BAZ2B: variants seen among roughly 807,000 people sequenced by gnomAD.
BAZ2B encodes bromodomain adjacent to zinc finger domain protein 2B.
Under a neutral mutation model 246.0 loss-of-function variants are expected in BAZ2B, and 91 were observed. The ratio of observed to expected loss-of-function variants is 0.37; its 90% CI spans 0.31 to 0.44. The LOEUF (loss-of-function observed/expected upper bound fraction) is 0.44, where lower values mean the gene tolerates loss of function less well. Among genes scored for constraint, BAZ2B ranks in the 20% least tolerant of loss-of-function variants. The probability of loss-of-function intolerance (pLI) is 1.00; values close to 1 mark genes in which losing one functional copy is unlikely to be tolerated. For synonymous variants in BAZ2B, 855 were observed against 860.0 expected (o/e 0.99, Z 0.10); for missense variants, 2,332 against 2,533.7 (o/e 0.92, Z 1.71).
intron 1 of BAZ2B, among the ~76,000 whole-genome samples, chr2:159,597,648 T>C (rs1009226736): frequency 1.3e-5 from 2 of 152,194 alleles, no homozygotes; most frequent in Non-Finnish European, 2.9e-5. Flanking sequence ...TGCCTCAGCA[T>C]CCCAAGTAGC....
chr2:159,674,780 A>G, the BAZ2B span, among the ~76,000 whole-genome samples: 1 of 152,080 alleles, frequency 6.6e-6, no homozygotes, highest in Non-Finnish European at 1.5e-5. Flanking sequence ...AAATAAATGT[A>G]AGGATTTCTG....
intron 3 of BAZ2B, among the ~76,000 whole-genome samples, chr2:159,455,464 T>C (rs2075617243): frequency 6.6e-6 from 1 of 152,124 alleles, no homozygotes; most frequent in Non-Finnish European, 1.5e-5. Flanking sequence ...TGATTCAGGA[T>C]AGTGCTCCAC....
At chr2:159,325,539 A>T in intron 35 of BAZ2B, 114 bp downstream of exon 35, 2 of 1,160,538 alleles carry the variant, frequency 1.7e-6, no homozygotes, top group Non-Finnish European at 2.4e-6. Flanking sequence ...TTTATGCTTT[A>T]CATTTTTTTA....
chr2:159,350,326 T>A lies in BAZ2B; in HGVS notation c.4245A>T (p.Lys1415Asn). 6.4e-7 allele frequency: 1 copy of A among 1,566,302 alleles called. No individual in the cohort carries two copies. Among genetic ancestry groups the A allele is most frequent in the Non-Finnish European group, 8.6e-7 (1 of 1,161,092 alleles). Residue 1415 changes from lysine (K) to asparagine (N), a missense_variant, in exon 28 of 37, where the codon AAA becomes AAT. Coordinates refer to ENST00000392783, the MANE Select transcript of BAZ2B (RefSeq NM_013450.4). ...GLEEIAKERE[K>N]LKKAESVQIK... ...TCTGGACACTTTCTGCCTTTTTCAG[T>A]TTTTCTCTTTCTTTTGCAATTTCTT...
intron 13 of BAZ2B, among the ~76,000 whole-genome samples, chr2:159,424,937 A>C (rs1284255165): frequency 6.6e-6 from 1 of 152,202 alleles, no homozygotes; most frequent in Non-Finnish European, 1.5e-5. Flanking sequence ...TTCAATCCAC[A>C]ATTGCTTCAA....
At chr2:159,581,479 G>A (rs1388202224) in intron 1 of BAZ2B, among the ~76,000 whole-genome samples, 2 of 152,178 alleles carry the variant, frequency 1.3e-5, no homozygotes, top group Non-Finnish European at 2.9e-5. Flanking sequence ...TGGTGGGACT[G>A]TAAACTAGTT....
chr2:159,404,367 C>T (rs1353940863), intron 16 of BAZ2B: 4 of 136,224 alleles, frequency 2.9e-5, no homozygotes, highest in African/African-American at 1.1e-4. Flanking sequence ...ATAATGCTGT[C>T]ATCATTTTTT....
intron 20 of BAZ2B, among the ~76,000 whole-genome samples, chr2:159,394,667 C>T (rs1009624346): frequency 7.2e-5 from 11 of 152,168 alleles, no homozygotes; most frequent in African/African-American, 2.4e-4. Flanking sequence ...TCTACACATA[C>T]GTAGTATCAA....
chr2:159,407,279 C>T (rs1374340900), intron 14 of BAZ2B, among the ~76,000 whole-genome samples: 2 of 151,912 alleles, frequency 1.3e-5, no homozygotes, highest in African/African-American at 2.4e-5. Flanking sequence ...CGAGACCAGC[C>T]TGGCCAACAT....
chr2:159,374,644 T>C (rs1381499701), intron 26 of BAZ2B, 47 bp downstream of exon 26: 1 of 1,524,050 alleles, frequency 6.6e-7, no homozygotes, highest in East Asian at 2.3e-5. Context: ...AATGTAGATT[T>C]CTAAAACACT....
chr2:159,690,053 C>A, the BAZ2B span: 1 of 433,774 alleles, frequency 2.3e-6, no homozygotes, highest in South Asian at 3.4e-5. Flanking sequence ...CCCTGAATGT[C>A]TTCAGTAATC....
the BAZ2B span, among the ~76,000 whole-genome samples, chr2:159,663,100 GT>G: frequency 6.6e-6 from 1 of 151,470 alleles, no homozygotes; most frequent in Non-Finnish European, 1.5e-5. Flanking sequence ...CTCCCATTCT[GT>G]TGGTGGTCTT....
chr2:159,344,053 A>T (rs191897767), intron 31 of BAZ2B, among the ~76,000 whole-genome samples: 2,223 of 151,400 alleles, frequency 0.015, 57 homozygotes, highest in African/African-American at 0.049. Context: ...AAAGAAAAAA[A>T]AAAAAATGAG....
the BAZ2B span, among the ~76,000 whole-genome samples, chr2:159,632,280 A>G: frequency 2.0e-5 from 3 of 152,230 alleles, no homozygotes; most frequent in Non-Finnish European, 4.4e-5. Flanking sequence ...AGCCAGTCAC[A>G]CAAAGCTGTG....
At chr2:159,352,469 C>T (rs545076623) in intron 27 of BAZ2B, among the ~76,000 whole-genome samples, 2 of 151,778 alleles carry the variant, frequency 1.3e-5, no homozygotes, top group South Asian at 2.1e-4. Context: ...TGTTTAAAGG[C>T]AGAGCAATGT....
rs769210956 is a variant in BAZ2B, at chr2:159,433,341, G to A, written c.1316C>T (p.Pro439Leu). 2.5e-6 allele frequency: 4 copies of A among 1,612,608 alleles called. No individual in the cohort carries two copies. The highest frequency in any genetic ancestry group is 2.2e-5 in the South Asian group (2 of 90,992). ...SKREQYKQAF[P>L]SQLKKQESSK... ...TGACTCTTGTTTCTTTAACTGTGAT[G>A]GGAATGCCTGTTTATATTGTTCCTG... The change falls in exon 9 of 37, where the codon CCA becomes CTA. Residue 439 changes from proline (P) to leucine (L), a missense_variant. By Grantham distance (98) the Pro-to-Leu change is moderately conservative (BLOSUM62 -3). Coordinates refer to ENST00000392783, the MANE Select transcript of BAZ2B (RefSeq NM_013450.4).
intron 13 of BAZ2B, among the ~76,000 whole-genome samples, chr2:159,421,825 C>G (rs1395836282): frequency 1.3e-5 from 2 of 152,066 alleles, no homozygotes; most frequent in South Asian, 4.1e-4. Context: ...CAATATGATT[C>G]TATACCTAGA....
chr2:159,315,801 A>G (rs80227055), downstream of BAZ2B, among the ~76,000 whole-genome samples: 5,817 of 152,290 alleles, frequency 0.038, 199 homozygotes, highest in East Asian at 0.13. Context: ...AAGTCCATGT[A>G]TTAAAAAAAT....
chr2:159,512,955 T>A (rs1443065132), intron 2 of BAZ2B, among the ~76,000 whole-genome samples: 1 of 152,130 alleles, frequency 6.6e-6, no homozygotes, highest in Non-Finnish European at 1.5e-5. Flanking sequence ...GTCTAAAAAA[T>A]TTTTAATTTT....
Sources: allele counts gnomAD v4.1 joint callset (sites outside exome capture counted in the v4.1 genomes callset), GRCh38; gene constraint gnomAD v4.1.1; transcripts MANE v1.5; gene names NCBI Gene and HGNC (gene_info 2026-07-23, HGNC 2026-07-21).